ITPR1: variants seen among roughly 807,000 people sequenced by gnomAD.
ITPR1 encodes inositol 1,4,5-trisphosphate receptor type 1, also known as inositol 1,4,5-trisphosphate-gated calcium channel ITPR1.
In ITPR1, 96 loss-of-function variants were observed where a neutral mutation model predicts 318.4. The ratio of observed to expected loss-of-function variants is 0.30; its 90% CI spans 0.26 to 0.36. The LOEUF (loss-of-function observed/expected upper bound fraction) is 0.36, where lower values mean the gene tolerates loss of function less well. Ranked by LOEUF, ITPR1 falls within the 10% of genes least tolerant of loss-of-function variation. The probability of loss-of-function intolerance (pLI) is 1.00; values close to 1 mark genes in which losing one functional copy is unlikely to be tolerated. For missense variants in ITPR1, 2,440 were observed against 3,460.2 expected, an observed-to-expected ratio of 0.71 and a Z score of 7.40; for synonymous variants, 1,312 against 1,289.9, an observed-to-expected ratio of 1.02 and a Z score of -0.37.
chr3:4,615,974 G>A (rs1009907241), intron 4 of ITPR1, among the ~76,000 whole-genome samples: 4 of 152,088 alleles, frequency 2.6e-5, no homozygotes, highest in African/African-American at 4.8e-5. Flanking sequence ...CTAATAACAC[G>A]GTCTATGTTT....
intron 4 of ITPR1, among the ~76,000 whole-genome samples, chr3:4,609,773 T>A (rs1476622383): frequency 3.3e-5 from 5 of 152,140 alleles, no homozygotes; most frequent in African/African-American, 1.2e-4. Context: ...CAGGGCTGGG[T>A]CACCACGTAT....
At chr3:4,770,269 C>G (rs1029231663) in intron 46 of ITPR1, among the ~76,000 whole-genome samples, 1 of 152,226 alleles carries the variant, frequency 6.6e-6, no homozygotes, top group Non-Finnish European at 1.5e-5. Flanking sequence ...GTGAATTGCT[C>G]TCACTTAAAA....
intron 44 of ITPR1, among the ~76,000 whole-genome samples, chr3:4,744,492 G>C (rs936461017): frequency 2.6e-5 from 4 of 152,218 alleles, no homozygotes; most frequent in African/African-American, 4.8e-5. Context: ...GCCTGTGTTT[G>C]TAGATAAAGT....
intron 54 of ITPR1, among the ~76,000 whole-genome samples, chr3:4,801,327 G>T (rs1204875945): frequency 6.6e-6 from 1 of 152,106 alleles, no homozygotes; most frequent in Non-Finnish European, 1.5e-5. Context: ...AAGTGATATC[G>T]CAAAATAATA....
intron 2 of ITPR1, among the ~76,000 whole-genome samples, chr3:4,510,451 A>C (rs1257315558): frequency 2.6e-5 from 4 of 152,206 alleles, no homozygotes; most frequent in East Asian, 3.9e-4. Flanking sequence ...CCAGTTGAGA[A>C]ATGATACTGG....
intron 19 of ITPR1, 116 bp from the exon 20 acceptor site, chr3:4,670,613 T>A (rs1383134794): frequency 1.3e-6 from 1 of 760,614 alleles, no homozygotes; most frequent in Non-Finnish European, 2.2e-6. Flanking sequence ...GGCTCTGCCC[T>A]TGGGGGAAAT....
intron 2 of ITPR1, among the ~76,000 whole-genome samples, chr3:4,507,633 A>G (rs1241590022): frequency 6.6e-6 from 1 of 152,214 alleles, no homozygotes; most frequent in African/African-American, 2.4e-5. Context: ...GCAGTCCAGA[A>G]GTTCTGCAGT....
At position 4,818,284 on chromosome 3, in the gene ITPR1, C is replaced by T. The variant is rs745648697; in HGVS notation, c.8028+42C>T. 2.0e-6 allele frequency: 3 copies of T among 1,503,042 alleles called. No individual in the cohort carries two copies. The East Asian group carries it at 6.9e-5, about 35-fold the overall frequency. 93.1% of individuals were successfully genotyped at this position (1,503,042 alleles called of 1,614,324 possible). On this transcript the variant is annotated intron_variant, in intron 60 of 61. Transcript: ENST00000649015. ...CCTGGGAGCAAGGTGGACTTGGGGC[C>T]TACTCAGCTCTGAGCAAGGCCCCAG... is the stretch of plus-strand genomic sequence containing the variant.
chr3:4,521,346 A>C (rs1450823341), intron 4 of ITPR1, among the ~76,000 whole-genome samples: 1 of 152,178 alleles, frequency 6.6e-6, no homozygotes, highest in African/African-American at 2.4e-5. Context: ...AATTCGGTTT[A>C]AAGTCTTACA....
intron 4 of ITPR1, among the ~76,000 whole-genome samples, chr3:4,586,498 C>G (rs959154130): frequency 1.0e-4 from 15 of 145,164 alleles, no homozygotes; most frequent in Admixed American, 9.5e-4. Flanking sequence ...CGGCAAGTAG[C>G]CTTGAGTGCT....
At chr3:4,660,844 T>A in intron 13 of ITPR1, 144 bp from the exon 14 acceptor site, 18 of 404,854 alleles carry the variant, frequency 4.4e-5, no homozygotes, top group Admixed American at 8.4e-5. Flanking sequence ...ACCTGGACCA[T>A]TTGCCCCTTC....
chr3:4,735,102 G>A, intron 43 of ITPR1, 62 bp from the exon 44 acceptor site: 4 of 1,319,480 alleles, frequency 3.0e-6, no homozygotes, highest in South Asian at 2.6e-5. Context: ...TGCGTAGTAA[G>A]TATGCAGCAA....
chr3:4,786,817 G>T (rs1040318581), intron 51 of ITPR1, among the ~76,000 whole-genome samples: 9 of 152,166 alleles, frequency 5.9e-5, no homozygotes, highest in African/African-American at 2.2e-4. Context: ...GAGTTAAATA[G>T]GCATGTTGGT....
chr3:4,583,674 C>T (rs899150886), intron 4 of ITPR1, among the ~76,000 whole-genome samples: 2 of 152,154 alleles, frequency 1.3e-5, no homozygotes, highest in Admixed American at 6.5e-5. Context: ...CTGCGGGGTT[C>T]GTTATTCCTG....
chr3:4,706,702 C>G (rs1209989851), intron 37 of ITPR1, among the ~76,000 whole-genome samples: 10 of 152,150 alleles, frequency 6.6e-5, no homozygotes, highest in Non-Finnish European at 1.3e-4. Flanking sequence ...GTTATTTAGC[C>G]TCTTGAATCA....
chr3:4,512,172 G>A (rs1259206331), intron 2 of ITPR1, among the ~76,000 whole-genome samples: 3 of 152,076 alleles, frequency 2.0e-5, no homozygotes, highest in Non-Finnish European at 4.4e-5. Flanking sequence ...TTGTAGAAAT[G>A]GGGTCTGGCT....
intron 4 of ITPR1, among the ~76,000 whole-genome samples, chr3:4,524,061 G>T (rs2124934186): frequency 6.6e-6 from 1 of 152,310 alleles, no homozygotes; most frequent in East Asian, 1.9e-4. Context: ...CTTCGTCCTT[G>T]TGGGAAAATC....
chr3:4,501,023 T>A (rs529507153), intron 2 of ITPR1, among the ~76,000 whole-genome samples: 2 of 96,300 alleles, frequency 2.1e-5, no homozygotes, highest in Non-Finnish European at 4.5e-5. Context: ...CTGGCTAATT[T>A]AAAAAAAAAA....
At chr3:4,697,344 G>GTGTGTT in intron 34 of ITPR1, 72 bp downstream of exon 34, 1 of 1,418,954 alleles carries the variant, frequency 7.0e-7, no homozygotes, top group Non-Finnish European at 9.5e-7. Context: ...GTGTGTGTGT[G>GTGTGTT]TGTGTGTGTA....
Sources: gnomAD v4.1 joint callset for allele counts (sites outside exome capture counted in the v4.1 genomes callset) on GRCh38, gnomAD v4.1.1 for gene constraint, MANE v1.5 for transcripts, NCBI Gene and HGNC (gene_info 2026-07-23, HGNC 2026-07-21) for gene names.